PLEKHO2: variants seen among roughly 807,000 people sequenced by gnomAD.
The protein encoded by PLEKHO2 is pleckstrin homology domain containing O2, also known as pleckstrin homology domain-containing family O member 2.
A neutral mutation model predicts 32.7 loss-of-function variants in PLEKHO2; 20 were observed. That is an observed-to-expected ratio of 0.61 (90% CI 0.43 to 0.89). PLEKHO2 has a LOEUF of 0.89. PLEKHO2 is among the 40% of genes least tolerant of loss of function. PLEKHO2 has a pLI of 0.00. For synonymous variants in PLEKHO2, 247 were observed against 246.3 expected, an observed-to-expected ratio of 1.00 and a Z score of -0.03; for missense variants, 568 against 621.2, an observed-to-expected ratio of 0.91 and a Z score of 0.91.
chr15:64,861,692 C>A, intron 5 of PLEKHO2, 117 bp downstream of exon 5: 1 of 745,632 alleles, frequency 1.3e-6, no homozygotes, highest in Non-Finnish European at 2.1e-6. Flanking sequence ...GCTGGGGCTT[C>A]CTGAGGAGTA....
chr15:64,851,766 G>A (rs575446059), intron 2 of PLEKHO2, among the ~76,000 whole-genome samples: 194 of 152,140 alleles, frequency 1.3e-3, no homozygotes, highest in Non-Finnish European at 2.5e-3. Flanking sequence ...CAGCTATTGG[G>A]AGCTTAATGG....
intron 5 of PLEKHO2, among the ~76,000 whole-genome samples, chr15:64,864,498 G>T (rs142318464): frequency 2.0e-5 from 3 of 152,142 alleles, no homozygotes; most frequent in Admixed American, 6.5e-5. Flanking sequence ...TGATGGGTAG[G>T]TGGGTTGCAG....
At chr15:64,864,757 C>A in intron 5 of PLEKHO2, 142 bp from the exon 6 acceptor site, 2 of 767,776 alleles carry the variant, frequency 2.6e-6, no homozygotes, top group Non-Finnish European at 4.1e-6. Context: ...TAAGTAGCCA[C>A]AGAAGCCAGG....
intron 1 of PLEKHO2, among the ~76,000 whole-genome samples, chr15:64,844,437 G>A (rs923364901): frequency 1.9e-4 from 29 of 152,350 alleles, no homozygotes; most frequent in African/African-American, 6.5e-4. Flanking sequence ...AGAAAACTGC[G>A]AATATCAGTG....
intron 2 of PLEKHO2, among the ~76,000 whole-genome samples, chr15:64,849,382 G>T (rs561420241): frequency 6.6e-6 from 1 of 151,576 alleles, no homozygotes; most frequent in Non-Finnish European, 1.5e-5. Flanking sequence ...TCTTGACCTC[G>T]TGATCCACCC....
At position 64,854,901 on chromosome 15, in the gene PLEKHO2, C is replaced by T; in HGVS notation, c.163-20C>T. ...GGTCTGACTGTCACCAGCTCATGTC[C>T]CTTCTGTCTCCCTCCCCAGGATGAT... On this transcript the variant is annotated intron_variant, in intron 2 of 5. Coordinates refer to ENST00000323544, the MANE Select transcript of PLEKHO2 (RefSeq NM_025201.5). 3 of 1,592,796 alleles carry T rather than the reference C, an allele frequency of 1.9e-6. No homozygotes were observed. Among genetic ancestry groups the T allele is most frequent in the Non-Finnish European group, 2.6e-6 (3 of 1,161,178 alleles).
intron 3 of PLEKHO2, among the ~76,000 whole-genome samples, chr15:64,855,340 G>T (rs1378005765): frequency 6.6e-6 from 1 of 152,168 alleles, no homozygotes; most frequent in Non-Finnish European, 1.5e-5. Context: ...TTTGGGAGGT[G>T]GGGCACTTGG....
Position 64,866,718 on chromosome 15 carries a change from A to G in PLEKHO2, c.*830A>G, listed in dbSNP as rs1244735599. On this transcript the variant is annotated 3_prime_UTR_variant, in exon 6 of 6. Coordinates refer to ENST00000323544, the MANE Select transcript of PLEKHO2 (RefSeq NM_025201.5). ...AGAGGTGGATCCCAGAGTGGCTCTG[A>G]TGTCCACATTAGAAAAACTTACTTG... 5.6e-6 allele frequency: 1 copy of G among 179,260 alleles called. No individual in the cohort carries two copies. The highest frequency in any genetic ancestry group is 1.2e-5 in the Non-Finnish European group (1 of 83,738). The allele number at this position is 179,260 out of a possible 1,614,324, so 11.1% of individuals were successfully genotyped here. A position where few individuals can be genotyped will look rare whatever the true frequency, so the allele number is the denominator to read the frequency against.
At chr15:64,847,883 T>C (rs2084534706) in intron 1 of PLEKHO2, among the ~76,000 whole-genome samples, 3 of 152,160 alleles carry the variant, frequency 2.0e-5, no homozygotes, top group Non-Finnish European at 4.4e-5. Context: ...TCTAGAAGCA[T>C]AGCGGTAGAG....
chr15:64,866,277 A>T lies in PLEKHO2; in HGVS notation c.*389A>T. 1 of 463,072 alleles carries T rather than the reference A, an allele frequency of 2.2e-6. No homozygotes were observed. The highest frequency in any genetic ancestry group is 4.3e-6 in the Non-Finnish European group (1 of 232,060). 28.7% of individuals were successfully genotyped at this position (463,072 alleles called of 1,614,324 possible). On this transcript the variant is annotated 3_prime_UTR_variant, in exon 6 of 6. Coordinates refer to ENST00000323544, the MANE Select transcript of PLEKHO2 (RefSeq NM_025201.5). The stretch of plus-strand genomic sequence containing the variant: ...AGTAGTTTACATTCCTGACTTCTGA[A>T]TACAGCACAGCTGAGCCCCCTGCAG...
At chr15:64,854,539 T>C (rs1392959688) in intron 2 of PLEKHO2, among the ~76,000 whole-genome samples, 1 of 152,232 alleles carries the variant, frequency 6.6e-6, no homozygotes, top group Non-Finnish European at 1.5e-5. Flanking sequence ...GCCTGCCATT[T>C]TGTGGCATCC....
intron 1 of PLEKHO2, among the ~76,000 whole-genome samples, chr15:64,846,608 TAGA>T (rs1189792868): frequency 6.6e-6 from 1 of 152,200 alleles, no homozygotes; most frequent in Non-Finnish European, 1.5e-5. Context: ...ACCATGCCTG[TAGA>T]AGAAGACCCT....
intron 1 of PLEKHO2, among the ~76,000 whole-genome samples, chr15:64,845,214 CTT>C (rs771584682): frequency 1.2e-4 from 15 of 121,266 alleles, no homozygotes; most frequent in Non-Finnish European, 1.5e-4. Flanking sequence ...GACCTGGCTT[CTT>C]TTTTTTTTTT....
At chr15:64,864,359 G>A (rs2084667108) in intron 5 of PLEKHO2, among the ~76,000 whole-genome samples, 1 of 152,180 alleles carries the variant, frequency 6.6e-6, no homozygotes, top group African/African-American at 2.4e-5. Flanking sequence ...AGAGAAGCTG[G>A]CAGACGGAAC....
intron 3 of PLEKHO2, among the ~76,000 whole-genome samples, chr15:64,856,445 T>C (rs1169364747): frequency 6.6e-6 from 1 of 152,152 alleles, no homozygotes; most frequent in Non-Finnish European, 1.5e-5. Flanking sequence ...CTCTCTGGCC[T>C]CTGCCTGTGC....
intron 4 of PLEKHO2, among the ~76,000 whole-genome samples, chr15:64,861,041 C>T (rs1165468606): frequency 6.6e-6 from 1 of 152,268 alleles, no homozygotes; most frequent in Non-Finnish European, 1.5e-5. Context: ...GGCTCCCAGA[C>T]TCAAGGGGCA....
In PLEKHO2 at chr15:64,864,896, C is replaced by A; in HGVS notation, c.484-3C>A. 1 of 1,586,848 alleles carries A rather than the reference C, an allele frequency of 6.3e-7. No homozygotes were observed. Among genetic ancestry groups the A allele is most frequent in the Non-Finnish European group, 8.6e-7 (1 of 1,164,832 alleles). On this transcript the variant is annotated splice_polypyrimidine_tract_variant and splice_region_variant and intron_variant, in intron 5 of 5. Transcript: ENST00000323544. ...GACACCCATATACCATCCCCCCCACCAGGTGGCCAGTGCAGCTTCTGACGG... is the reference window on the plus strand; with the variant it reads ...GACACCCATATACCATCCCCCCCACAAGGTGGCCAGTGCAGCTTCTGACGG...
rs376501533 is a variant in PLEKHO2 at position 64,842,157 on chromosome 15, G to A, written c.12+129G>A. 3.4e-3 allele frequency: 3,001 copies of A among 872,074 alleles called. 223 individuals are homozygous for A. The South Asian group carries it at 0.15, about 44-fold the overall frequency. The allele number at this position is 872,074 out of a possible 1,614,324, so 54.0% of individuals were successfully genotyped here. On this transcript the variant is annotated intron_variant, in intron 1 of 5. Coordinates refer to ENST00000323544, the MANE Select transcript of PLEKHO2 (RefSeq NM_025201.5). ...CAGTCTCACCTCAGGAAGAGCCTGG[G>A]CAAATGGGGCAGGGGCGAGGGGCTG...
At chr15:64,852,361 A>G (rs145384588) in intron 2 of PLEKHO2, among the ~76,000 whole-genome samples, 41 of 152,326 alleles carry the variant, frequency 2.7e-4, no homozygotes, top group African/African-American at 7.9e-4. Flanking sequence ...AGCAAAAATG[A>G]GAAAAGATAC....
Sources: allele counts gnomAD v4.1 joint callset (sites outside exome capture counted in the v4.1 genomes callset), GRCh38; gene constraint gnomAD v4.1.1; transcripts MANE v1.5; gene names NCBI Gene and HGNC (gene_info 2026-07-23, HGNC 2026-07-21).